CLCN6: variants seen among roughly 807,000 people sequenced by gnomAD.
CLCN6 encodes the protein H(+)/Cl(-) exchange transporter 6.
In CLCN6, 70 loss-of-function variants were observed where a neutral mutation model predicts 109.8. The ratio of observed to expected loss-of-function variants is 0.64; its 90% CI spans 0.53 to 0.78. The LOEUF is 0.78. Ranked by LOEUF, CLCN6 falls within the 30% of genes least tolerant of loss-of-function variation. CLCN6 has a pLI of 0.00. For synonymous variants in CLCN6, 444 were observed against 447.8 expected (o/e 0.99, Z 0.11); for missense variants, 984 against 1,142.3 (o/e 0.86, Z 2.00).
intron 13 of CLCN6, among the ~76,000 whole-genome samples, chr1:11,832,159 G>T (rs539652479): frequency 6.6e-6 from 1 of 152,318 alleles, no homozygotes; most frequent in Admixed American, 6.5e-5. Flanking sequence ...GGCACAGTAT[G>T]GTCTTGACCA....
chr1:11,840,589 A>G lies in CLCN6; in HGVS notation c.*366A>G. 2.9e-6 allele frequency: 1 copy of G among 341,248 alleles called. No homozygotes were observed. Among genetic ancestry groups the G allele is most frequent in the Non-Finnish European group, 5.6e-6 (1 of 177,030 alleles). The allele number at this position is 341,248 out of a possible 1,614,324, so 21.1% of individuals were successfully genotyped here. On this transcript the variant is annotated 3_prime_UTR_variant, in exon 23 of 23. Coordinates refer to ENST00000346436, the MANE Select transcript of CLCN6 (RefSeq NM_001286.5). Reference sequence around the variant, plus strand: ...CTGGCCATCTTTGCTACTTTCCTAGAGAACCCGGCTGTTGCCTTAAATGTG... The same window carrying G: ...CTGGCCATCTTTGCTACTTTCCTAGGGAACCCGGCTGTTGCCTTAAATGTG...
At chr1:11,809,645 A>G (rs1438828549) in intron 2 of CLCN6, among the ~76,000 whole-genome samples, 2 of 152,190 alleles carry the variant, frequency 1.3e-5, no homozygotes, top group East Asian at 3.9e-4. Flanking sequence ...TTTAGTAGAG[A>G]TGGGGTTTCA....
intron 22 of CLCN6, among the ~76,000 whole-genome samples, chr1:11,839,735 A>G (rs1438884644): frequency 6.6e-6 from 1 of 152,252 alleles, no homozygotes; most frequent in Non-Finnish European, 1.5e-5. Context: ...GACACGTGGG[A>G]ACCACTGTAA....
intron 1 of CLCN6, 197 bp downstream of exon 1, chr1:11,806,546 G>A (rs755109619): frequency 2.1e-6 from 1 of 477,692 alleles, no homozygotes; most frequent in Non-Finnish European, 3.7e-6. Flanking sequence ...AACCCCTCCT[G>A]GAATCTGAGG....
chr1:11,827,288 G>T, intron 10 of CLCN6, 67 bp downstream of exon 10: 2 of 1,504,722 alleles, frequency 1.3e-6, no homozygotes, highest in South Asian at 2.5e-5. Context: ...CCCTTACTCG[G>T]TACATGGAAT....
rs190702907 is a variant in CLCN6 at position 11,823,771 on chromosome 1, G to A, written c.518G>A (p.Gly173Glu). 4 of 1,614,280 alleles carry A rather than the reference G, an allele frequency of 2.5e-6. No homozygotes were observed. The African/African-American group carries it at 5.3e-5, about 22-fold the overall frequency. ...TATCTGAATGGCGTAAAGGTGCCAG[G>A]AATCGTCCGTCTCCGGACCCTGCTC... ...KCYLNGVKVP[G>E]IVRLRTLLCK... The change falls in exon 7 of 23, where the codon GGA (glycine) becomes GAA (glutamate). Residue 173 changes from glycine (G) to glutamate (E), a missense_variant. Physicochemically the swap from Gly to Glu is moderately conservative, Grantham distance 98. Coordinates refer to ENST00000346436, the MANE Select transcript of CLCN6 (RefSeq NM_001286.5).
intron 2 of CLCN6, among the ~76,000 whole-genome samples, chr1:11,812,080 C>T (rs576203173): frequency 6.6e-6 from 1 of 152,000 alleles, no homozygotes; most frequent in African/African-American, 2.4e-5. Flanking sequence ...TGCCACTGCA[C>T]TCCATGCTGG....
At chr1:11,827,373 G>T (rs568913098) in intron 10 of CLCN6, 152 bp downstream of exon 10, 2 of 685,868 alleles carry the variant, frequency 2.9e-6, no homozygotes, top group Non-Finnish European at 4.6e-6. Context: ...CTCCACACTG[G>T]ACTTTCTGTA....
intron 2 of CLCN6, among the ~76,000 whole-genome samples, chr1:11,810,174 C>G (rs1007065162): frequency 6.6e-6 from 1 of 152,180 alleles, no homozygotes; most frequent in African/African-American, 2.4e-5. Flanking sequence ...TAAAAAGTGC[C>G]CCTTCTTCCT....
intron 9 of CLCN6, among the ~76,000 whole-genome samples, chr1:11,826,866 A>G (rs1354373810): frequency 6.6e-6 from 1 of 152,090 alleles, no homozygotes; most frequent in Admixed American, 6.6e-5. Flanking sequence ...TCCTGTTCCC[A>G]GGCAGAGTAG....
At chr1:11,817,669 G>C (rs1394604476) in intron 4 of CLCN6, among the ~76,000 whole-genome samples, 1 of 152,122 alleles carries the variant, frequency 6.6e-6, no homozygotes, top group Non-Finnish European at 1.5e-5. Context: ...GTTGGGATAG[G>C]GTATCTGTCC....
In CLCN6 at chr1:11,823,786, G is replaced by A. The variant is rs538878178; in HGVS notation, c.533G>A (p.Arg178Gln). 7.4e-6 allele frequency: 12 copies of A among 1,614,252 alleles called. No homozygotes were observed. The highest frequency in any genetic ancestry group is 4.5e-5 in the East Asian group (2 of 44,888). The change falls in exon 7 of 23, where the codon CGG becomes CAG. Residue 178 changes from arginine to glutamine, a missense_variant. By Grantham distance (43) the Arg-to-Gln change is conservative. Transcript: ENST00000346436. ...GVKVPGIVRL[R>Q]TLLCKVLGVL... ...AAGGTGCCAGGAATCGTCCGTCTCC[G>A]GACCCTGCTCTGCAAGGTCCTTGGA... is the stretch of plus-strand genomic sequence containing the variant.
Position 11,828,088 on chromosome 1 carries a change from T to C in CLCN6, c.841-18T>C. 1 of 1,590,760 alleles carries C rather than the reference T, an allele frequency of 6.3e-7. No individual in the cohort carries two copies. On this transcript the variant is annotated intron_variant, in intron 10 of 22. Transcript: ENST00000346436. ...TGCCACTCCTGAACCTTCTTGTCTT[T>C]TGTCACCTCTCCCCTAGCTCTTTTG...
chr1:11,816,672 A>G lies in CLCN6; in HGVS notation c.271A>G (p.Thr91Ala), dbSNP rs1043645520. The G allele has an allele frequency of 3.1e-6, 5 of 1,612,538 alleles. No homozygotes were observed. The highest frequency in any genetic ancestry group is 2.2e-5 in the East Asian group (1 of 44,874). The change falls in exon 4 of 23, where the codon ACT becomes GCT. Residue 91 changes from threonine (T) to alanine (A), a missense_variant. Thr to Ala is a moderately conservative substitution (Grantham distance 58). Coordinates refer to ENST00000346436, the MANE Select transcript of CLCN6 (RefSeq NM_001286.5). ...WMVVFAIGVC[T>A]GLVGLFVDFF... ...GGTGGTGTTTGCCATTGGAGTCTGC[A>G]CTGGCCTGGTGAGGAGGCAGGGCCT... is the stretch of plus-strand genomic sequence containing the variant.
chr1:11,837,613 A>T, intron 20 of CLCN6, 114 bp downstream of exon 20: 1 of 1,080,796 alleles, frequency 9.3e-7, no homozygotes, highest in Non-Finnish European at 1.3e-6. Flanking sequence ...GCAAGGCGAG[A>T]AGTGCAGAGT....
chr1:11,807,296 C>A, intron 2 of CLCN6, 106 bp downstream of exon 2: 1 of 998,076 alleles, frequency 1.0e-6, no homozygotes, highest in Non-Finnish European at 1.6e-6. Flanking sequence ...ACCTTCTGTC[C>A]CAGGGAGTGA....
rs1341429574 is a variant in CLCN6, at chr1:11,823,692, G to T, written c.454-15G>T. ...TGGATTTCGAGTTATGGGTGTGCCT[G>T]CTCTCCTCCATCAGCCGGTGGCAGC... is the stretch of plus-strand genomic sequence containing the variant. On this transcript the variant is annotated splice_polypyrimidine_tract_variant and intron_variant, in intron 6 of 22. Transcript: ENST00000346436. 1.2e-6 allele frequency: 2 copies of T among 1,613,954 alleles called. No individual in the cohort carries two copies. The highest frequency in any genetic ancestry group is 1.7e-6 in the Non-Finnish European group (2 of 1,179,958).
chr1:11,816,014 T>C, intron 3 of CLCN6, 103 bp downstream of exon 3: 1 of 880,228 alleles, frequency 1.1e-6, no homozygotes, highest in Non-Finnish European at 1.9e-6. Context: ...CCTTGTTTTT[T>C]GAACCTTTTC....
At chr1:11,821,179 AAC>A (rs1295540267) in intron 5 of CLCN6, among the ~76,000 whole-genome samples, 1 of 152,192 alleles carries the variant, frequency 6.6e-6, no homozygotes, top group Non-Finnish European at 1.5e-5. Context: ...ACAACAATAA[AAC>A]ACCATAAATA....
Sources: allele counts gnomAD v4.1 joint callset (sites outside exome capture counted in the v4.1 genomes callset), GRCh38; gene constraint gnomAD v4.1.1; transcripts MANE v1.5; gene names NCBI Gene and HGNC (gene_info 2026-07-23, HGNC 2026-07-21).